Variants in LRRTM4 observed in about 807,000 individuals in gnomAD.
LRRTM4 encodes leucine rich repeat transmembrane neuronal 4, also known as leucine-rich repeat transmembrane neuronal protein 4.
LRRTM4 carries 25 observed loss-of-function variants against 47.6 expected under a neutral mutation model. That is an observed-to-expected ratio of 0.53 (90% CI 0.38 to 0.73). The LOEUF (loss-of-function observed/expected upper bound fraction) is 0.73, where lower values mean the gene tolerates loss of function less well. LRRTM4 is among the 30% of genes least tolerant of loss of function. The pLI, the probability that LRRTM4 is intolerant of heterozygous loss-of-function variation, is 0.00. For missense variants in LRRTM4, 638 were observed against 713.4 expected (o/e 0.89, Z 1.20); for synonymous variants, 311 against 269.5 (o/e 1.15, Z -1.51).
At chr2:76,835,234 A>G (rs1163966072) in intron 3 of LRRTM4, among the ~76,000 whole-genome samples, 1 of 152,104 alleles carries the variant, frequency 6.6e-6, no homozygotes, top group Non-Finnish European at 1.5e-5. Flanking sequence ...GTATCCCTTA[A>G]TTACACCCAA....
At chr2:76,933,665 T>C (rs541254934) in intron 3 of LRRTM4, among the ~76,000 whole-genome samples, 5 of 152,252 alleles carry the variant, frequency 3.3e-5, no homozygotes, top group East Asian at 1.9e-4. Context: ...TTCCATTATA[T>C]TGATTGAAAG....
intron 3 of LRRTM4, among the ~76,000 whole-genome samples, chr2:77,050,409 C>A (rs1679391431): frequency 6.6e-6 from 1 of 151,990 alleles, no homozygotes; most frequent in Non-Finnish European, 1.5e-5. Context: ...TAGCCCAATC[C>A]CCTCAACTAT....
intron 3 of LRRTM4, among the ~76,000 whole-genome samples, chr2:76,874,299 C>T (rs936219245): frequency 1.3e-5 from 2 of 151,936 alleles, no homozygotes; most frequent in African/African-American, 2.4e-5. Flanking sequence ...TAGCACCTTG[C>T]TTTCACTAGA....
chr2:76,942,661 C>G (rs1373450870), intron 3 of LRRTM4, among the ~76,000 whole-genome samples: 1 of 112,124 alleles, frequency 8.9e-6, no homozygotes, highest in African/African-American at 4.5e-5. Flanking sequence ...GGTCAAGTAA[C>G]CAACCTCTAG....
At chr2:76,798,538 G>T (rs1176280943) in intron 3 of LRRTM4, among the ~76,000 whole-genome samples, 2 of 148,876 alleles carry the variant, frequency 1.3e-5, no homozygotes, top group African/African-American at 4.9e-5. Flanking sequence ...ACAATTAAAA[G>T]AACTAGAAAA....
chr2:77,345,055 A>G (rs1671511947), intron 3 of LRRTM4, among the ~76,000 whole-genome samples: 1 of 151,260 alleles, frequency 6.6e-6, no homozygotes, highest in African/African-American at 2.4e-5. Context: ...TAATTATACA[A>G]ATACCTAAAA....
At chr2:76,774,002 G>A (rs931518672) in intron 3 of LRRTM4, among the ~76,000 whole-genome samples, 23 of 151,678 alleles carry the variant, frequency 1.5e-4, no homozygotes, top group South Asian at 6.2e-4. Flanking sequence ...AACAATGTGC[G>A]GATGAAAGAC....
At chr2:77,242,497 G>T (rs776522980) in intron 3 of LRRTM4, among the ~76,000 whole-genome samples, 1 of 151,710 alleles carries the variant, frequency 6.6e-6, no homozygotes, top group Non-Finnish European at 1.5e-5. Flanking sequence ...TTTCAAAATG[G>T]ACAAATAACT....
intron 3 of LRRTM4, among the ~76,000 whole-genome samples, chr2:77,199,597 A>G (rs550789253): frequency 1.3e-5 from 2 of 152,224 alleles, no homozygotes; most frequent in Non-Finnish European, 2.9e-5. Context: ...GTAGTCTATG[A>G]GTCATATTAG....
intron 3 of LRRTM4, among the ~76,000 whole-genome samples, chr2:77,292,589 T>C (rs1204350573): frequency 6.6e-6 from 1 of 151,012 alleles, no homozygotes; most frequent in Non-Finnish European, 1.5e-5. Context: ...CAGTAAACTA[T>C]TGCAAGAACA....
At chr2:76,757,453 T>C (rs1673075599) in intron 3 of LRRTM4, among the ~76,000 whole-genome samples, 2 of 152,136 alleles carry the variant, frequency 1.3e-5, no homozygotes, top group Non-Finnish European at 2.9e-5. Context: ...TAGCCATCTT[T>C]GAAGTTAGCT....
At chr2:77,009,658 C>G (rs1434664764) in intron 3 of LRRTM4, 5 of 152,096 alleles carry the variant, frequency 3.3e-5, no homozygotes, top group Non-Finnish European at 4.4e-5. Context: ...TTGAACACAC[C>G]AGTTCTGCCA....
intron 3 of LRRTM4, among the ~76,000 whole-genome samples, chr2:77,064,019 T>C (rs1015190171): frequency 1.3e-5 from 2 of 152,200 alleles, no homozygotes; most frequent in Non-Finnish European, 2.9e-5. Flanking sequence ...CACGTGTCTA[T>C]ATACTTACAG....
chr2:77,490,923 A>C (rs1678128903), intron 3 of LRRTM4, among the ~76,000 whole-genome samples: 1 of 152,174 alleles, frequency 6.6e-6, no homozygotes, highest in African/African-American at 2.4e-5. Context: ...AAAATGTTGA[A>C]AAGGATCAGT....
chr2:76,840,507 G>A (rs1379811380), intron 3 of LRRTM4, among the ~76,000 whole-genome samples: 1 of 152,288 alleles, frequency 6.6e-6, no homozygotes, highest in East Asian at 1.9e-4. Context: ...AATAGAAAAG[G>A]TTAATGTTTA....
intron 3 of LRRTM4, among the ~76,000 whole-genome samples, chr2:77,486,476 G>A (rs1677914555): frequency 6.6e-6 from 1 of 151,972 alleles, no homozygotes; most frequent in South Asian, 2.1e-4. Flanking sequence ...CACATATTAA[G>A]AAAACACACG....
intron 3 of LRRTM4, among the ~76,000 whole-genome samples, chr2:76,839,344 T>C (rs1236308041): frequency 6.6e-6 from 1 of 152,084 alleles, no homozygotes; most frequent in Non-Finnish European, 1.5e-5. Flanking sequence ...AAACTCACAG[T>C]AGAAAGGAGA....
At chr2:77,250,432 C>G (rs1055930783) in intron 3 of LRRTM4, among the ~76,000 whole-genome samples, 1 of 152,072 alleles carries the variant, frequency 6.6e-6, no homozygotes, top group Admixed American at 6.6e-5. Context: ...TGGGAAATCT[C>G]TGTAACTTCT....
chr2:76,860,829 A>G (rs1225164985), intron 3 of LRRTM4, among the ~76,000 whole-genome samples: 5 of 152,154 alleles, frequency 3.3e-5, no homozygotes, highest in African/African-American at 1.2e-4. Flanking sequence ...AGAAGGAAAC[A>G]GATATTGAGT....
Sources: allele counts gnomAD v4.1 joint callset (sites outside exome capture counted in the v4.1 genomes callset), GRCh38; gene constraint gnomAD v4.1.1; transcripts MANE v1.5; gene names NCBI Gene and HGNC (gene_info 2026-07-23, HGNC 2026-07-21).